APPBP2: variants seen among roughly 807,000 people sequenced by gnomAD.
The protein encoded by APPBP2 is amyloid protein-binding protein 2.
In APPBP2, 15 loss-of-function variants were observed where a neutral mutation model predicts 76.0. That is an observed-to-expected ratio of 0.20 (90% CI 0.13 to 0.30). APPBP2 has a LOEUF of 0.30. Among genes scored for constraint, APPBP2 ranks in the 10% least tolerant of loss-of-function variants. The pLI, the probability that APPBP2 is intolerant of heterozygous loss-of-function variation, is 1.00. For synonymous variants in APPBP2, 222 were observed against 242.2 expected (o/e 0.92, Z 0.77); for missense variants, 401 against 687.2 (o/e 0.58, Z 4.66).
At chr17:60,484,696 C>T (rs1187034461) in intron 3 of APPBP2, among the ~76,000 whole-genome samples, 1 of 152,148 alleles carries the variant, frequency 6.6e-6, no homozygotes, top group Non-Finnish European at 1.5e-5. Context: ...TTCCTCTCTT[C>T]CTATCTGAAT....
rs912995449 is a variant in APPBP2, at chr17:60,505,696, T to G, written c.139-5209A>C. ...CTGCGGTTTTTTTTTTTTTTTTTTT[T>G]TTTTTTTGAGATGGAGTTTCACTCT... is the stretch of plus-strand genomic sequence containing the variant. On this transcript the variant is annotated intron_variant, in intron 1 of 12. Coordinates refer to ENST00000083182, the MANE Select transcript of APPBP2 (RefSeq NM_006380.5). 3.7e-3 allele frequency among the ~76,000 whole-genome samples: 536 copies of G among 143,450 alleles called. 7 individuals carry two copies. The highest frequency in any genetic ancestry group is 0.014 in the African/African-American group (520 of 37,104). The allele number at this position is 143,450 out of a possible 152,430, so 94.1% of individuals were successfully genotyped here.
chr17:60,505,498 G>A (rs1428846382), intron 1 of APPBP2, among the ~76,000 whole-genome samples: 1 of 151,588 alleles, frequency 6.6e-6, no homozygotes, highest in African/African-American at 2.4e-5. Context: ...TGTATTTTTA[G>A]TAGAGACGGG....
At chr17:60,468,930 A>G (rs765489526) in intron 4 of APPBP2, among the ~76,000 whole-genome samples, 10 of 152,238 alleles carry the variant, frequency 6.6e-5, no homozygotes, top group Non-Finnish European at 1.5e-4. Context: ...TCATTAGTTT[A>G]CTAATATATT....
At chr17:60,513,973 C>T (rs1479576291) in intron 1 of APPBP2, among the ~76,000 whole-genome samples, 1 of 139,118 alleles carries the variant, frequency 7.2e-6, no homozygotes, top group Non-Finnish European at 1.5e-5. Context: ...TCAATGCAAA[C>T]ACATATACAT....
chr17:60,470,922 C>G lies in APPBP2; in HGVS notation c.504-4463G>C, dbSNP rs183864151. ...TCTCCTGCCTCAGCCTCCTGAGTAG[C>G]TGGGATTACAGGTGTGCACCACCAC... On this transcript the variant is annotated intron_variant, in intron 4 of 12. Transcript: ENST00000083182. Among the ~76,000 whole-genome samples the G allele has an allele frequency of 3.1e-4, 47 of 152,074 alleles. 1 individual carries two copies. Among genetic ancestry groups the G allele is most frequent in the Admixed American group, 3.0e-3 (46 of 15,268 alleles).
At chr17:60,495,463 TTTA>T (rs2143437495) in intron 2 of APPBP2, among the ~76,000 whole-genome samples, 1 of 149,794 alleles carries the variant, frequency 6.7e-6, no homozygotes, top group South Asian at 2.1e-4. Context: ...TATTTATTTA[TTTA>T]TTTATTTATT....
At chr17:60,467,105 T>C (rs1177446767) in intron 4 of APPBP2, among the ~76,000 whole-genome samples, 1 of 152,198 alleles carries the variant, frequency 6.6e-6, no homozygotes, top group Non-Finnish European at 1.5e-5. Flanking sequence ...TGTGTATCTA[T>C]ATAGACTGTA....
chr17:60,512,658 A>T (rs1261264417), intron 1 of APPBP2, among the ~76,000 whole-genome samples: 4 of 151,048 alleles, frequency 2.6e-5, no homozygotes, highest in Non-Finnish European at 5.9e-5. Flanking sequence ...AACATAGTGA[A>T]ACCCCGTCTC....
chr17:60,515,993 C>T (rs1022114218), intron 1 of APPBP2, among the ~76,000 whole-genome samples: 22 of 152,102 alleles, frequency 1.4e-4, no homozygotes, highest in Non-Finnish European at 2.5e-4. Flanking sequence ...GGTGAAAACC[C>T]GTCTCTACCA....
chr17:60,484,990 TTA>T (rs2090661753), intron 3 of APPBP2, among the ~76,000 whole-genome samples: 1 of 152,202 alleles, frequency 6.6e-6, no homozygotes, highest in African/African-American at 2.4e-5. Context: ...TTGGTTCTGT[TTA>T]TGTTATGGAT....
At position 60,456,277 on chromosome 17, in the gene APPBP2, A is replaced by G; in HGVS notation, c.1147+19T>C. ...TATCATCTATTTTAAAATATCTGAG[A>G]CTAGATTACAAAGGATACCTTTCAC... is the stretch of plus-strand genomic sequence containing the variant. On this transcript the variant is annotated intron_variant, in intron 10 of 12. Coordinates refer to ENST00000083182, the MANE Select transcript of APPBP2 (RefSeq NM_006380.5). The G allele has an allele frequency of 6.8e-7, 1 of 1,479,864 alleles. No individual in the cohort carries two copies. Among genetic ancestry groups the G allele is most frequent in the Non-Finnish European group, 9.4e-7 (1 of 1,059,472 alleles). 91.7% of individuals were successfully genotyped at this position (1,479,864 alleles called of 1,614,324 possible).
At chr17:60,516,992 CTG>C (rs1258479026) in intron 1 of APPBP2, among the ~76,000 whole-genome samples, 1 of 152,036 alleles carries the variant, frequency 6.6e-6, no homozygotes, top group African/African-American at 2.4e-5. Context: ...AAACAAAAAA[CTG>C]AGTATTTTTC....
chr17:60,468,507 C>T (rs1341809165), intron 4 of APPBP2: 2 of 152,200 alleles, frequency 1.3e-5, no homozygotes, highest in African/African-American at 4.8e-5. Context: ...CCTGAAATAA[C>T]AATCTGTGGA....
chr17:60,515,736 A>G (rs1184447263), intron 1 of APPBP2, among the ~76,000 whole-genome samples: 2 of 152,250 alleles, frequency 1.3e-5, no homozygotes, highest in Admixed American at 6.5e-5. Flanking sequence ...ATTTGAGAGA[A>G]ACAACATTCA....
intron 2 of APPBP2, among the ~76,000 whole-genome samples, chr17:60,495,435 A>T (rs2090766716): frequency 8.7e-6 from 1 of 114,310 alleles, no homozygotes; most frequent in South Asian, 2.6e-4. Flanking sequence ...TATTTTATTT[A>T]TTTATTATTT....
At position 60,443,924 on chromosome 17, in the gene APPBP2, A is replaced by C. The variant is rs2090323518; in HGVS notation, c.*3657T>G. 1 of 152,614 alleles carries C rather than the reference A, an allele frequency of 6.6e-6. No homozygotes were observed. Among genetic ancestry groups the C allele is most frequent in the Non-Finnish European group, 1.5e-5 (1 of 68,030 alleles). The allele number at this position is 152,614 out of a possible 1,614,324, so 9.5% of individuals were successfully genotyped here. A position where few individuals can be genotyped will look rare whatever the true frequency, so the allele number is the denominator to read the frequency against. On this transcript the variant is annotated 3_prime_UTR_variant, in exon 13 of 13. Coordinates refer to ENST00000083182, the MANE Select transcript of APPBP2 (RefSeq NM_006380.5). ...ATTCCTGAGATTTATGGACAAAAGA[A>C]GTACTGTTGAAGCTGGAGATTAATC...
chr17:60,480,773 T>C (rs1479126018), intron 3 of APPBP2, among the ~76,000 whole-genome samples: 2 of 152,200 alleles, frequency 1.3e-5, no homozygotes, highest in Non-Finnish European at 2.9e-5. Flanking sequence ...GCAAGGACTC[T>C]GCAAACCACA....
chr17:60,454,229 T>C, intron 11 of APPBP2, 73 bp downstream of exon 11: 1 of 1,124,468 alleles, frequency 8.9e-7, no homozygotes, highest in East Asian at 2.6e-5. Context: ...TATTTGAGCT[T>C]ACTTAAAATT....
In APPBP2 at chr17:60,454,316, T is replaced by C; in HGVS notation, c.1324A>G (p.Met442Val). Reference sequence around the variant, plus strand: ...CATGTTTCTACCTTAAATTTTCTCATTGACTGATAAAGTCTTCCAAGGTTT... The same window carrying C: ...CATGTTTCTACCTTAAATTTTCTCACTGACTGATAAAGTCTTCCAAGGTTT... ...YGNLGRLYQS[M>V]RKFKEAEEMH... The change falls in exon 11 of 13, where the codon ATG becomes GTG. Residue 442 changes from methionine (M) to valine (V), a missense_variant. Met to Val is a conservative substitution (Grantham distance 21). This residue lies in a region of APPBP2 where 130 missense variants were observed against 322.7 expected (regional missense o/e 0.40). Transcript: ENST00000083182. 2 of 1,565,736 alleles carry C rather than the reference T, an allele frequency of 1.3e-6. No homozygotes were observed. Among genetic ancestry groups the C allele is most frequent in the Non-Finnish European group, 1.7e-6 (2 of 1,159,710 alleles).
Sources: allele counts gnomAD v4.1 joint callset (sites outside exome capture counted in the v4.1 genomes callset), GRCh38; gene constraint gnomAD v4.1.1; regional missense constraint gnomAD v4.1.1; transcripts MANE v1.5; gene names NCBI Gene and HGNC (gene_info 2026-07-23, HGNC 2026-07-21).